VPS29: variants seen among roughly 807,000 people sequenced by gnomAD.
VPS29 encodes the protein VPS29 retromer complex component, also known as vacuolar protein sorting-associated protein 29.
In VPS29, 2 loss-of-function variants were observed where a neutral mutation model predicts 20.0. The observed-to-expected ratio is 0.10, with a 90% CI of 0.04 to 0.31. The LOEUF (loss-of-function observed/expected upper bound fraction) is 0.31, where lower values mean the gene tolerates loss of function less well. Among genes scored for constraint, VPS29 ranks in the 10% least tolerant of loss-of-function variants. The probability of loss-of-function intolerance (pLI) is 1.00; values close to 1 mark genes in which losing one functional copy is unlikely to be tolerated. For missense variants in VPS29, 120 were observed against 215.3 expected, an observed-to-expected ratio of 0.56 and a Z score of 2.77; for synonymous variants, 81 against 79.3, an observed-to-expected ratio of 1.02 and a Z score of -0.12.
In VPS29 at chr12:110,497,407, G is replaced by C. The variant is rs564426317; in HGVS notation, c.4-1204C>G. 2.0e-5 allele frequency among the ~76,000 whole-genome samples: 3 copies of C among 150,852 alleles called. No individual in the cohort carries two copies. The South Asian group carries it at 6.3e-4, about 31-fold the overall frequency. ...AATTTTTGTATTTTTAGTAAAGATA[G>C]GGTTTCACCATGTTGGCCAGGCTGG... On this transcript the variant is annotated intron_variant, in intron 1 of 3. Transcript: ENST00000549578.
At chr12:110,500,061 G>A (rs901138287) in intron 1 of VPS29, among the ~76,000 whole-genome samples, 3 of 152,064 alleles carry the variant, frequency 2.0e-5, no homozygotes, top group Admixed American at 6.6e-5. Context: ...ATTATGCTGC[G>A]GCTAGGTGAT....
At position 110,501,648 on chromosome 12, in the gene VPS29, C is replaced by G. The variant is rs1055439975; in HGVS notation, c.3+401G>C. 2.0e-6 allele frequency: 3 copies of G among 1,530,430 alleles called. No individual in the cohort carries two copies. The Admixed American group carries it at 5.9e-5, about 30-fold the overall frequency. The allele number at this position is 1,530,430 out of a possible 1,614,324, so 94.8% of individuals were successfully genotyped here. ...GCCAGCTTCCACCACTACACCCCAACCAGCGGGAGGTGCTTTTTGCGGGAA... is the reference window on the plus strand; with the variant it reads ...GCCAGCTTCCACCACTACACCCCAAGCAGCGGGAGGTGCTTTTTGCGGGAA... On this transcript the variant is annotated intron_variant, in intron 1 of 3. Transcript: ENST00000549578.
At chr12:110,493,742 G>A (rs1444768473) in intron 2 of VPS29, among the ~76,000 whole-genome samples, 1 of 152,012 alleles carries the variant, frequency 6.6e-6, no homozygotes, top group Admixed American at 6.6e-5. Context: ...AATATAAACT[G>A]GAATTTATCA....
Position 110,496,149 on chromosome 12 carries a change from C to G in VPS29, c.58G>C (p.Ala20Pro). ...GGCACCAGGAGTTTTTTGAATTTAG[C>G]TGGCAAACTGTTGCACCGGTGTGGG... ...HIPHRCNSLP[A>P]KFKKLLVPGK... Residue 20 changes from alanine to proline, a missense_variant, in exon 2 of 4, where the codon GCT (alanine) becomes CCT (proline). By Grantham distance (27) the Ala-to-Pro change is conservative. Transcript: ENST00000549578. 1 of 1,614,020 alleles carries G rather than the reference C, an allele frequency of 6.2e-7. No individual in the cohort carries two copies.
intron 1 of VPS29, among the ~76,000 whole-genome samples, chr12:110,497,970 ATTT>A (rs559575872): frequency 1.5e-5 from 2 of 131,422 alleles, no homozygotes. Context: ...AACAGAATCG[ATTT>A]TTTTTTTTTT....
intron 1 of VPS29, chr12:110,501,541 G>A (rs1248727458): frequency 1.2e-5 from 19 of 1,535,272 alleles, no homozygotes; most frequent in African/African-American, 1.4e-5. Context: ...GAGCGAGGAG[G>A]GTGGTTTATT....
intron 2 of VPS29, among the ~76,000 whole-genome samples, chr12:110,494,377 C>T (rs1295602719): frequency 6.6e-6 from 1 of 150,946 alleles, no homozygotes; most frequent in Non-Finnish European, 1.5e-5. Flanking sequence ...CTCAGCTTCC[C>T]GAGTAGCTGG....
intron 1 of VPS29, chr12:110,499,384 C>A: frequency 9.5e-7 from 1 of 1,053,266 alleles, no homozygotes; most frequent in Non-Finnish European, 1.3e-6. Flanking sequence ...CTGGAAATGG[C>A]AGTCTTATTA....
At chr12:110,501,201 T>C (rs1257337637) in intron 1 of VPS29, among the ~76,000 whole-genome samples, 1 of 151,860 alleles carries the variant, frequency 6.6e-6, no homozygotes, top group Non-Finnish European at 1.5e-5. Flanking sequence ...GAAAATATGA[T>C]TACAGCTCTG....
Position 110,496,223 on chromosome 12 carries a change from G to A in VPS29, c.4-20C>T, listed in dbSNP as rs1297376435. 2 of 1,580,586 alleles carry A rather than the reference G, an allele frequency of 1.3e-6. No individual in the cohort carries two copies. The highest frequency in any genetic ancestry group is 1.7e-5 in the Admixed American group (1 of 59,166). Reference sequence around the variant, plus strand: ...CACCAACTTTAAAGTGTCAAGGTGAGATAAAGCATAATGTTAAACACAATA... The same window carrying A: ...CACCAACTTTAAAGTGTCAAGGTGAAATAAAGCATAATGTTAAACACAATA... On this transcript the variant is annotated intron_variant, in intron 1 of 3. Transcript: ENST00000549578.
rs761368184 is a variant in VPS29 at position 110,502,077 on chromosome 12, C to T, written c.-26G>A. 6.2e-7 allele frequency: 1 copy of T among 1,609,014 alleles called. No homozygotes were observed. The highest frequency in any genetic ancestry group is 8.5e-7 in the Non-Finnish European group (1 of 1,178,216). ...CCTGTCACCGGGCTCCGCTCAGTCA[C>T]CACCACCGTCGCCGCCCTCTTCCTC... On this transcript the variant is annotated 5_prime_UTR_variant, in exon 1 of 4. It adds an upstream start codon to the 5' untranslated region. Coordinates refer to ENST00000549578, the MANE Select transcript of VPS29 (RefSeq NM_016226.5).
Position 110,493,056 on chromosome 12 carries a change from T to A in VPS29, c.371A>T (p.His124Leu), listed in dbSNP as rs753287210. Residue 124 changes from histidine (H) to leucine (L), a missense_variant, in exon 3 of 4, where the codon CAT (histidine) becomes CTT (leucine). Physicochemically the swap from His to Leu is moderately conservative, Grantham distance 99. Transcript: ENST00000549578. The stretch of plus-strand genomic sequence containing the variant: ...TGGATTAATGTAGAATTTATTTTCA[T>A]GCTCAAATGCTTCAAATTTGTGTGT... ...GHTHKFEAFE[H>L]ENKFYINPGS... 6.2e-7 allele frequency: 1 copy of A among 1,614,142 alleles called. No individual in the cohort carries two copies. The highest frequency in any genetic ancestry group is 8.5e-7 in the Non-Finnish European group (1 of 1,180,014).
At chr12:110,501,736 G>A (rs981123790) in intron 1 of VPS29, 3 of 1,171,878 alleles carry the variant, frequency 2.6e-6, no homozygotes, top group Non-Finnish European at 3.7e-6. Context: ...TCGAGGTATA[G>A]GACCAAAGGC....
chr12:110,492,243 C>T, intron 3 of VPS29, 121 bp from the exon 4 acceptor site: 1 of 777,232 alleles, frequency 1.3e-6, no homozygotes. Context: ...GAACAGTTAC[C>T]AAAAGATTGC....
intron 1 of VPS29, chr12:110,501,785 G>T: frequency 9.3e-7 from 1 of 1,078,112 alleles, no homozygotes; most frequent in Non-Finnish European, 1.4e-6. Context: ...TGACAGGTCG[G>T]GCTGCTAGAG....
chr12:110,495,129 C>T (rs1369654375), intron 2 of VPS29, among the ~76,000 whole-genome samples: 3 of 152,142 alleles, frequency 2.0e-5, no homozygotes, highest in Non-Finnish European at 2.9e-5. Flanking sequence ...CAAATGCACA[C>T]GGCTGTGTAA....
chr12:110,501,438 G>A (rs1189079488), intron 1 of VPS29: 1 of 1,535,454 alleles, frequency 6.5e-7, no homozygotes, highest in South Asian at 1.2e-5. Flanking sequence ...GTAGCAACCC[G>A]TGGAAAGAAA....
chr12:110,495,902 G>GAAAA, intron 2 of VPS29, 110 bp downstream of exon 2: 4 of 824,384 alleles, frequency 4.9e-6, no homozygotes, highest in Non-Finnish European at 6.7e-6. Context: ...AAGAAAAAGG[G>GAAAA]AAAAAAAAAA....
intron 1 of VPS29, chr12:110,501,481 C>T: frequency 6.5e-7 from 1 of 1,535,468 alleles, no homozygotes; most frequent in Non-Finnish European, 8.7e-7. Context: ...CAAATCCCGC[C>T]CTCTGAGAGC....
Sources: allele counts gnomAD v4.1 joint callset (sites outside exome capture counted in the v4.1 genomes callset), GRCh38; gene constraint gnomAD v4.1.1; transcripts MANE v1.5; gene names NCBI Gene and HGNC (gene_info 2026-07-23, HGNC 2026-07-21).